Variants in CYP39A1 observed in about 807,000 individuals in gnomAD.
The protein encoded by CYP39A1 is cytochrome P450 family 39 subfamily A member 1.
A neutral mutation model predicts 58.1 loss-of-function variants in CYP39A1; 49 were observed. That is an observed-to-expected ratio of 0.84 (90% CI 0.67 to 1.07). The LOEUF (loss-of-function observed/expected upper bound fraction) is 1.07. Ranked by LOEUF, CYP39A1 falls within the 50% of genes least tolerant of loss-of-function variation. The probability of loss-of-function intolerance (pLI) is 0.00; values close to 1 mark genes in which losing one functional copy is unlikely to be tolerated. For missense variants in CYP39A1, 531 were observed against 539.4 expected (o/e 0.98, Z 0.16); for synonymous variants, 209 against 187.6 (o/e 1.11, Z -0.93).
intron 10 of CYP39A1, among the ~76,000 whole-genome samples, chr6:46,581,680 T>C (rs1772140548): frequency 6.6e-6 from 1 of 152,090 alleles, no homozygotes; most frequent in African/African-American, 2.4e-5. Flanking sequence ...TGAGGCACTG[T>C]GCTTACTACC....
chr6:46,640,422 AC>A (rs1776256131), intron 2 of CYP39A1, among the ~76,000 whole-genome samples: 1 of 152,162 alleles, frequency 6.6e-6, no homozygotes, highest in Non-Finnish European at 1.5e-5. Context: ...CTTCTTGAAC[AC>A]TACTTCCACC....
chr6:46,559,320 G>A (rs1462037688), intron 10 of CYP39A1, among the ~76,000 whole-genome samples: 1 of 152,142 alleles, frequency 6.6e-6, no homozygotes, highest in East Asian at 1.9e-4. Flanking sequence ...TAAAAGGAGG[G>A]CAGCTGCTCT....
At chr6:46,596,166 G>C (rs982719595) in intron 7 of CYP39A1, 46 bp from the exon 8 acceptor site, 2 of 1,481,232 alleles carry the variant, frequency 1.4e-6, no homozygotes, top group Middle Eastern at 1.8e-4. Flanking sequence ...ACAGAGGTCA[G>C]AAAGTGATTT....
rs576293541 is a variant in CYP39A1 at position 46,630,653 on chromosome 6, T to A, written c.840+310A>T. Among the ~76,000 whole-genome samples, 6 of 152,274 alleles carry A rather than the reference T, an allele frequency of 3.9e-5. No homozygotes were observed. In the East Asian group the frequency reaches 1.2e-3, roughly 29 times the overall value. On this transcript the variant is annotated intron_variant, in intron 6 of 11. Transcript: ENST00000275016. ...CCAATACTGAGCACATTGGTAGACA[T>A]ACAAAAAGTGTTCCATAAACAGATG...
chr6:46,573,003 G>A (rs1771675576), intron 10 of CYP39A1, among the ~76,000 whole-genome samples: 1 of 151,544 alleles, frequency 6.6e-6, no homozygotes, highest in Non-Finnish European at 1.5e-5. Context: ...ATTTATGTTT[G>A]CTTTCTTTTG....
At chr6:46,619,898 G>T (rs1338521899) in intron 7 of CYP39A1, among the ~76,000 whole-genome samples, 2 of 152,102 alleles carry the variant, frequency 1.3e-5, no homozygotes, top group South Asian at 2.1e-4. Flanking sequence ...TGAATTAAGG[G>T]TTAATCCACA....
intron 10 of CYP39A1, among the ~76,000 whole-genome samples, chr6:46,570,706 C>T (rs1771540115): frequency 6.6e-6 from 1 of 152,118 alleles, no homozygotes; most frequent in Non-Finnish European, 1.5e-5. Context: ...AGCCAGCATG[C>T]AACACAGGGA....
At chr6:46,601,484 C>G (rs1389754026) in intron 7 of CYP39A1, among the ~76,000 whole-genome samples, 1 of 152,180 alleles carries the variant, frequency 6.6e-6, no homozygotes, top group African/African-American at 2.4e-5. Flanking sequence ...CCATCTCACA[C>G]TGAATCCTAG....
chr6:46,631,512 T>C (rs748542945), intron 5 of CYP39A1, among the ~76,000 whole-genome samples: 1 of 152,208 alleles, frequency 6.6e-6, no homozygotes, highest in Non-Finnish European at 1.5e-5. Flanking sequence ...ATTGGCAAAT[T>C]GTGTGTTATT....
chr6:46,584,415 C>A (rs1384769083), intron 10 of CYP39A1, among the ~76,000 whole-genome samples: 3 of 152,110 alleles, frequency 2.0e-5, no homozygotes, highest in Non-Finnish European at 4.4e-5. Context: ...CTACCAGACA[C>A]CTGGATTTAA....
At chr6:46,631,236 T>G (rs558208976) in intron 5 of CYP39A1, among the ~76,000 whole-genome samples, 166 bp from the exon 6 acceptor site, 1 of 152,158 alleles carries the variant, frequency 6.6e-6, no homozygotes, top group Non-Finnish European at 1.5e-5. Context: ...TACTGTAGTA[T>G]AGTAATTAGG....
intron 9 of CYP39A1, among the ~76,000 whole-genome samples, 159 bp downstream of exon 9, chr6:46,587,875 T>C (rs1214347460): frequency 6.6e-6 from 1 of 152,204 alleles, no homozygotes; most frequent in Non-Finnish European, 1.5e-5. Context: ...ACTATCTATA[T>C]TGCAAATCTG....
At chr6:46,634,524 C>CTT (rs55887439) in intron 5 of CYP39A1, among the ~76,000 whole-genome samples, 3 of 131,278 alleles carry the variant, frequency 2.3e-5, no homozygotes, top group Non-Finnish European at 4.9e-5. Context: ...TTTCTTTTTG[C>CTT]TTTTTTTTTT....
intron 8 of CYP39A1, among the ~76,000 whole-genome samples, chr6:46,593,264 G>A (rs1772950615): frequency 6.6e-6 from 1 of 152,108 alleles, no homozygotes; most frequent in Non-Finnish European, 1.5e-5. Flanking sequence ...GCATGTGTTT[G>A]AGCATGGGTA....
intron 8 of CYP39A1, among the ~76,000 whole-genome samples, chr6:46,591,511 T>C (rs1415570458): frequency 6.6e-6 from 1 of 152,068 alleles, no homozygotes; most frequent in Admixed American, 6.6e-5. Flanking sequence ...AGTTAATGTT[T>C]TAGAAAACTA....
At chr6:46,632,179 A>G (rs930131565) in intron 5 of CYP39A1, among the ~76,000 whole-genome samples, 1 of 152,198 alleles carries the variant, frequency 6.6e-6, no homozygotes, top group African/African-American at 2.4e-5. Context: ...ATAGTAAACT[A>G]TGTGCGTATT....
intron 10 of CYP39A1, among the ~76,000 whole-genome samples, chr6:46,577,823 T>C (rs924823316): frequency 1.3e-5 from 2 of 151,978 alleles, no homozygotes; most frequent in African/African-American, 4.8e-5. Flanking sequence ...TACCACACAA[T>C]AATAGTGGGA....
chr6:46,630,941 C>T (rs775417990), intron 6 of CYP39A1, 22 bp downstream of exon 6: 1 of 1,538,336 alleles, frequency 6.5e-7, no homozygotes, highest in South Asian at 1.1e-5. Context: ...CAACGTAACT[C>T]ATACTTTACT....
chr6:46,616,957 C>G (rs1054226730), intron 7 of CYP39A1, among the ~76,000 whole-genome samples: 6 of 152,104 alleles, frequency 3.9e-5, no homozygotes, highest in Admixed American at 3.9e-4. Context: ...GATTGGCGAT[C>G]GATCAATGGA....
Sources: allele counts gnomAD v4.1 joint callset (sites outside exome capture counted in the v4.1 genomes callset), GRCh38; gene constraint gnomAD v4.1.1; transcripts MANE v1.5; gene names NCBI Gene and HGNC (gene_info 2026-07-23, HGNC 2026-07-21).